The following POLR2F variants were observed in gnomAD, a reference collection of about 807,000 sequenced individuals.
POLR2F encodes DNA-directed RNA polymerases I, II, and III subunit RPABC2.
A neutral mutation model predicts 22.7 loss-of-function variants in POLR2F; 12 were observed. That is an observed-to-expected ratio of 0.53 (90% CI 0.34 to 0.86). POLR2F has a LOEUF of 0.86. POLR2F is among the 40% of genes least tolerant of loss of function. POLR2F has a pLI of 0.02. For missense variants in POLR2F, 126 were observed against 171.5 expected (o/e 0.73, Z 1.48); for synonymous variants, 57 against 66.0 (o/e 0.86, Z 0.66).
chr22:37,970,357 C>T (rs2145755309), downstream of POLR2F, among the ~76,000 whole-genome samples: 1 of 148,334 alleles, frequency 6.7e-6, no homozygotes, highest in African/African-American at 2.5e-5. Context: ...AATCCCAGCA[C>T]TTTAGGAGGC....
At chr22:37,993,106 A>G (rs746483816) in intron 1 of POLR2F, among the ~76,000 whole-genome samples, 2 of 152,184 alleles carry the variant, frequency 1.3e-5, no homozygotes, top group African/African-American at 4.8e-5. Context: ...GGGGACCTTT[A>G]TGAGATGGGT....
chr22:37,998,823 GGA>G (rs2084741810), intron 1 of POLR2F, among the ~76,000 whole-genome samples: 1 of 151,938 alleles, frequency 6.6e-6, no homozygotes, highest in Non-Finnish European at 1.5e-5. Context: ...AATGTGAGAG[GGA>G]GAGAGAGAGG....
At chr22:37,999,435 C>G (rs2084748733) in intron 1 of POLR2F, among the ~76,000 whole-genome samples, 1 of 152,144 alleles carries the variant, frequency 6.6e-6, no homozygotes, top group African/African-American at 2.4e-5. Context: ...CACTGAGGAC[C>G]AGCAGGTCTC....
chr22:38,018,180 C>T (rs764265728), intron 1 of POLR2F, among the ~76,000 whole-genome samples: 3 of 152,126 alleles, frequency 2.0e-5, no homozygotes, highest in Non-Finnish European at 4.4e-5. Context: ...TGTGAACTTT[C>T]GTTCATTCTG....
chr22:38,038,939 C>G (rs1380059174), intron 5 of POLR2F, among the ~76,000 whole-genome samples: 1 of 151,994 alleles, frequency 6.6e-6, no homozygotes, highest in Non-Finnish European at 1.5e-5. Flanking sequence ...CCGGGGCAGT[C>G]GTAGGGGGCG....
rs1012788206 is a variant in POLR2F, at chr22:37,997,630, C to G, written c.120+11318C>G. ...AGGCTTGTGGCAACCTGCAGTCTTCCCCACCTGGCTCCAGCCTACCTTCCC... is the reference window on the plus strand; with the variant it reads ...AGGCTTGTGGCAACCTGCAGTCTTCGCCACCTGGCTCCAGCCTACCTTCCC... On this transcript the variant is annotated intron_variant, in intron 1 of 2. Coordinates refer to the POLR2F transcript ENST00000333418. The surrounding 1 kb of genome is among the most constrained non-coding windows in gnomAD (Gnocchi z 4.4). Among the ~76,000 whole-genome samples, 1 of 152,072 alleles carries G rather than the reference C, an allele frequency of 6.6e-6. No homozygotes were observed. Among genetic ancestry groups the G allele is most frequent in the African/African-American group, 2.4e-5 (1 of 41,400 alleles).
At chr22:38,018,277 C>A (rs2084931372) in intron 1 of POLR2F, among the ~76,000 whole-genome samples, 1 of 152,156 alleles carries the variant, frequency 6.6e-6, no homozygotes, top group Admixed American at 6.6e-5. Flanking sequence ...AGGATCAGGG[C>A]TATGTAGGAT....
intron 5 of POLR2F, chr22:38,034,235 G>A (rs1236758323): frequency 2.4e-5 from 4 of 168,388 alleles, no homozygotes; most frequent in Admixed American, 6.5e-5. Flanking sequence ...TGTCTTTTCC[G>A]CCTTCCAGGG....
chr22:37,995,075 C>T (rs2084700702), intron 1 of POLR2F, among the ~76,000 whole-genome samples: 1 of 152,204 alleles, frequency 6.6e-6, no homozygotes, highest in African/African-American at 2.4e-5. Context: ...TCCGACTCTG[C>T]CAAGGTCCCA....
chr22:37,989,577 C>T (rs1932678996), intron 1 of POLR2F, among the ~76,000 whole-genome samples: 1 of 152,234 alleles, frequency 6.6e-6, no homozygotes, highest in Non-Finnish European at 1.5e-5. Context: ...TCCCCAGGTG[C>T]CGGCTCAGCT....
chr22:37,971,177 T>G, downstream of POLR2F: 1 of 466,034 alleles, frequency 2.1e-6, no homozygotes, highest in Non-Finnish European at 4.5e-6. Context: ...AAGCAGGGGC[T>G]GCAAACCACA....
At chr22:38,019,670 C>T (rs1388560977) in intron 1 of POLR2F, among the ~76,000 whole-genome samples, 2 of 152,228 alleles carry the variant, frequency 1.3e-5, no homozygotes, top group Non-Finnish European at 2.9e-5. Flanking sequence ...GCATTCCCTC[C>T]TCACGTGGGC....
At position 37,986,824 on chromosome 22, in the gene POLR2F, C is replaced by A. The variant is rs1252455314; in HGVS notation, c.120+512C>A. On this transcript the variant is annotated intron_variant, in intron 1 of 2. Coordinates refer to the POLR2F transcript ENST00000333418. The surrounding 1 kb of genome is among the most constrained non-coding windows in gnomAD (Gnocchi z 4.7). ...GGATCCCCTCCATCCCATCCCAGGC[C>A]CTGGGAACCCAGTGCTCTCCAGCAG... 2.2e-6 allele frequency: 1 copy of A among 457,932 alleles called. No homozygotes were observed. Among genetic ancestry groups the A allele is most frequent in the Admixed American group, 2.3e-5 (1 of 42,586 alleles). The allele number at this position is 457,932 out of a possible 1,614,324, so 28.4% of individuals were successfully genotyped here.
At chr22:37,960,982 G>C (rs1221808937) in intron 3 of POLR2F, among the ~76,000 whole-genome samples, 2 of 151,366 alleles carry the variant, frequency 1.3e-5, no homozygotes, top group East Asian at 1.9e-4. Flanking sequence ...CCAAGCAGCT[G>C]GGACTACAGG....
rs144785364 is a variant in POLR2F, at chr22:37,974,657, T to C, written c.293+7487T>C. On this transcript the variant is annotated intron_variant, in intron 4 of 4. Transcript: ENST00000405557. This position sits in a 1 kb window ranked among gnomAD's most constrained non-coding sequence, Gnocchi z 5.4. ...CATGAGCCACTGCGCCCCACAGCAT[T>C]TGTTTAAATACTGGTGTCTTAGATT... 3.3e-5 allele frequency among the ~76,000 whole-genome samples: 5 copies of C among 152,210 alleles called. No individual in the cohort carries two copies. Among genetic ancestry groups the C allele is most frequent in the African/African-American group, 1.2e-4 (5 of 41,530 alleles).
chr22:37,990,115 C>T (rs959183795), intron 1 of POLR2F, among the ~76,000 whole-genome samples: 20 of 152,290 alleles, frequency 1.3e-4, no homozygotes, highest in African/African-American at 4.6e-4. Context: ...TTCCCTGAGC[C>T]GAGTTGCTGT....
intron 1 of POLR2F, among the ~76,000 whole-genome samples, chr22:37,993,729 A>C (rs1045767630): frequency 4.6e-5 from 7 of 152,128 alleles, no homozygotes; most frequent in Admixed American, 3.3e-4. Context: ...GTGGCTCACG[A>C]CTGTAATCCC....
chr22:37,970,580 C>G (rs1473029315), downstream of POLR2F: 3 of 127,558 alleles, frequency 2.4e-5, no homozygotes, highest in African/African-American at 9.2e-5. Flanking sequence ...GCACTCCAGC[C>G]TGGCAACAGA....
intron 2 of POLR2F, among the ~76,000 whole-genome samples, chr22:37,957,945 A>G (rs1931466288): frequency 6.6e-6 from 1 of 152,132 alleles, no homozygotes; most frequent in Non-Finnish European, 1.5e-5. Flanking sequence ...TATTCGCAAC[A>G]GAGTATCCAG....
Sources: gnomAD v4.1 joint callset for allele counts (sites outside exome capture counted in the v4.1 genomes callset) on GRCh38, gnomAD v4.1.1 for gene constraint, Gnocchi (gnomAD v3.1) non-coding constraint, MANE v1.5 for transcripts, NCBI Gene and HGNC (gene_info 2026-07-23, HGNC 2026-07-21) for gene names.